Variants in POU2F2 observed in about 807,000 individuals in gnomAD.
POU2F2 encodes POU domain, class 2, transcription factor 2.
Under a neutral mutation model 63.5 loss-of-function variants are expected in POU2F2, and 14 were observed. The ratio of observed to expected loss-of-function variants is 0.22; its 90% CI spans 0.15 to 0.34. The LOEUF (loss-of-function observed/expected upper bound fraction) is 0.34. Among genes scored for constraint, POU2F2 ranks in the 10% least tolerant of loss-of-function variants. The pLI is 1.00. For missense variants in POU2F2, 607 were observed against 815.2 expected, an observed-to-expected ratio of 0.74 and a Z score of 3.11; for synonymous variants, 306 against 348.6, an observed-to-expected ratio of 0.88 and a Z score of 1.36.
At chr19:42,113,788 C>T (rs2146530049) in intron 5 of POU2F2, among the ~76,000 whole-genome samples, 2 of 152,210 alleles carry the variant, frequency 1.3e-5, no homozygotes, top group Middle Eastern at 3.4e-3. Flanking sequence ...GCTTAGCAGG[C>T]ATGAGAAGTG....
chr19:42,195,957 T>C (rs1274912067), intron 1 of POU2F2, among the ~76,000 whole-genome samples: 1 of 152,126 alleles, frequency 6.6e-6, no homozygotes, highest in Non-Finnish European at 1.5e-5. Context: ...TTTTTATATT[T>C]TTAGTAGAGA....
chr19:42,099,641 A>C, intron 6 of POU2F2, 23 bp from the exon 7 acceptor site: 1 of 1,605,880 alleles, frequency 6.2e-7, no homozygotes, highest in Non-Finnish European at 8.5e-7. Flanking sequence ...GGGGAAATAC[A>C]CAGGGTGAGG....
chr19:42,157,052 GA>G (rs1281205230), intron 2 of POU2F2: 1 of 152,300 alleles, frequency 6.6e-6, no homozygotes. Flanking sequence ...TGGAAGGACA[GA>G]AGGGAAGGAG....
At position 42,095,509 on chromosome 19, in the gene POU2F2, C is replaced by A. The variant is rs370251919; in HGVS notation, c.1020+36G>T. ...GCCCGAGGCCCACCGCCCGCCACCC[C>A]TCAGGTGAGGGCCACCCAGGAGAGG... On this transcript the variant is annotated intron_variant, in intron 10 of 14. Coordinates refer to ENST00000692977, the MANE Select transcript of POU2F2 (RefSeq NM_001394376.1). This position sits in a 1 kb window ranked among gnomAD's most constrained non-coding sequence, Gnocchi z 7.1. 1.2e-6 allele frequency: 2 copies of A among 1,604,434 alleles called. No individual in the cohort carries two copies. Among genetic ancestry groups the A allele is most frequent in the Admixed American group, 1.7e-5 (1 of 59,160 alleles).
rs201185373 is a variant in POU2F2, at chr19:42,096,048, C to T, written c.729+34G>A. On this transcript the variant is annotated intron_variant, in intron 8 of 14. Transcript: ENST00000692977. This position sits in a 1 kb window ranked among gnomAD's most constrained non-coding sequence, Gnocchi z 4.1. ...CATCTATCAACTGGCCACGCCCCCA[C>T]GCCCACCGCCCAGCCTGCAAGGTGC... 12 of 1,610,424 alleles carry T rather than the reference C, an allele frequency of 7.5e-6. No individual in the cohort carries two copies. The highest frequency in any genetic ancestry group is 9.3e-6 in the Non-Finnish European group (11 of 1,178,402).
chr19:42,159,191 A>G (rs1375457649), intron 2 of POU2F2, among the ~76,000 whole-genome samples: 1 of 152,168 alleles, frequency 6.6e-6, no homozygotes, highest in East Asian at 1.9e-4. Context: ...AGATTGGAAG[A>G]CTTCACACAC....
intron 2 of POU2F2, among the ~76,000 whole-genome samples, chr19:42,143,530 G>A (rs891717681): frequency 1.1e-4 from 17 of 152,072 alleles, no homozygotes; most frequent in African/African-American, 3.9e-4. Flanking sequence ...CACGGCAAGC[G>A]CTCAGGAGGG....
At chr19:42,093,005 ATATATTTTT>A (rs1471596163) in intron 12 of POU2F2, among the ~76,000 whole-genome samples, 1 of 94,930 alleles carries the variant, frequency 1.1e-5, no homozygotes, top group Non-Finnish European at 2.1e-5. Flanking sequence ...ATATATATAT[ATATATTTTT>A]TTTTTTTTTT....
intron 1 of POU2F2, among the ~76,000 whole-genome samples, chr19:42,175,444 GAGTGGCAGGA>G (rs1435731686): frequency 6.6e-6 from 1 of 151,790 alleles, no homozygotes; most frequent in African/African-American, 2.4e-5. Flanking sequence ...CAGGGGAAAT[GAGTGGCAGGA>G]AGGGAAGAAT....
chr19:42,162,073 G>A lies in POU2F2; in HGVS notation c.-69-1681C>T, dbSNP rs922576507. The stretch of plus-strand genomic sequence containing the variant: ...TATTGGTGTAAGTGATGGGGTGGGC[G>A]AGGGAATCCCCAGGCCTCGGGGGGG... On this transcript the variant is annotated intron_variant, in intron 1 of 6. Coordinates refer to the POU2F2 transcript ENST00000524801. This position sits in a 1 kb window ranked among gnomAD's most constrained non-coding sequence, Gnocchi z 4.1. 3.3e-5 allele frequency among the ~76,000 whole-genome samples: 5 copies of A among 152,134 alleles called. No homozygotes were observed. The highest frequency in any genetic ancestry group is 3.3e-4 in the Admixed American group (5 of 15,286).
rs78816499 is a variant in POU2F2, at chr19:42,091,904, T to C, written c.1503A>G (p.Pro501=). Residue 501 remains proline (P), a synonymous_variant, in exon 14 of 15, where the codon CCA becomes CCG. Coordinates refer to ENST00000692977, the MANE Select transcript of POU2F2 (RefSeq NM_001394376.1). ...TMVGLSSGLS[P]ALMSNNPLAT... ...CCAAAGGGTTGTTGCTCATGAGGGC[T>C]GGACTCAGCCCGGAGCTCAACCCCA... 0.061 allele frequency: 93,351 copies of C among 1,540,286 alleles called. 3,148 individuals carry two copies. The highest frequency in any genetic ancestry group is 0.067 in the Non-Finnish European group (77,221 of 1,146,800).
chr19:42,157,656 C>T (rs947130515), intron 2 of POU2F2: 4 of 152,268 alleles, frequency 2.6e-5, no homozygotes, highest in African/African-American at 9.7e-5. Context: ...CTTCTGAGAG[C>T]AGACATTAAC....
At chr19:42,196,870 A>C (rs187170007), upstream of POU2F2, among the ~76,000 whole-genome samples, 545 of 152,320 alleles carry the variant, frequency 3.6e-3, 1 homozygote, top group Non-Finnish European at 5.7e-3. Flanking sequence ...TCTGGCAAGC[A>C]CGTGCTGGCC....
At chr19:42,122,873 G>A (rs1397967916) in intron 1 of POU2F2, among the ~76,000 whole-genome samples, 1 of 152,234 alleles carries the variant, frequency 6.6e-6, no homozygotes, top group Non-Finnish European at 1.5e-5. Context: ...GGAGATGGAA[G>A]GTGGTCGTGA....
chr19:42,161,998 T>G (rs1466797291), intron 1 of POU2F2, among the ~76,000 whole-genome samples: 1 of 152,202 alleles, frequency 6.6e-6, no homozygotes, highest in African/African-American at 2.4e-5. Context: ...GTCAAAACAA[T>G]TAGCCGCGCT....
At chr19:42,159,050 G>C (rs1336396249) in intron 2 of POU2F2, among the ~76,000 whole-genome samples, 21 of 152,288 alleles carry the variant, frequency 1.4e-4, no homozygotes, top group Admixed American at 1.2e-3. Context: ...GGCAAATGTA[G>C]GTATGTGTTT....
chr19:42,105,999 TTTTCTTTCTTTCTTTCTTTCTTTCTTTC>T (rs56400477), intron 5 of POU2F2, among the ~76,000 whole-genome samples: 25 of 132,324 alleles, frequency 1.9e-4, no homozygotes, highest in South Asian at 7.6e-4. Context: ...GATCTTTCTT[TTTTCTTTCTTTCTTTCTTTCTTTCTTTC>T]TTTCTTTCTT....
At chr19:42,181,458 C>A (rs1308447455) in intron 1 of POU2F2, among the ~76,000 whole-genome samples, 1 of 152,220 alleles carries the variant, frequency 6.6e-6, no homozygotes, top group Non-Finnish European at 1.5e-5. Flanking sequence ...CCTCCTCATT[C>A]TGCCTGTTCA....
In POU2F2 at chr19:42,090,478, G is replaced by C. The variant is rs1318432932; in HGVS notation, c.*779C>G. ...CCTTCCCTTGAACTCTCCCCTGCTGGGGGGAGGGAGGAGGTTAAAGCAAGA... is the reference window on the plus strand; with the variant it reads ...CCTTCCCTTGAACTCTCCCCTGCTGCGGGGAGGGAGGAGGTTAAAGCAAGA... On this transcript the variant is annotated 3_prime_UTR_variant, in exon 15 of 15. Transcript: ENST00000692977. This position sits in a 1 kb window ranked among gnomAD's most constrained non-coding sequence, Gnocchi z 4.4. The C allele has an allele frequency of 2.0e-5, 3 of 152,664 alleles. No homozygotes were observed. Among genetic ancestry groups the C allele is most frequent in the Admixed American group, 1.3e-4 (2 of 15,270 alleles). 9.5% of individuals were successfully genotyped at this position (152,664 alleles called of 1,614,324 possible).
Sources: allele counts gnomAD v4.1 joint callset (sites outside exome capture counted in the v4.1 genomes callset), GRCh38; gene constraint gnomAD v4.1.1; non-coding constraint Gnocchi (gnomAD v3.1); transcripts MANE v1.5; gene names NCBI Gene and HGNC (gene_info 2026-07-23, HGNC 2026-07-21).